Variants in ADAMTS8 observed in about 807,000 individuals in gnomAD.
ADAMTS8 encodes the protein ADAM metallopeptidase with thrombospondin type 1 motif 8, also known as A disintegrin and metalloproteinase with thrombospondin motifs 8.
ADAMTS8 carries 50 observed loss-of-function variants against 64.4 expected under a neutral mutation model. The observed-to-expected ratio is 0.78, with a 90% CI of 0.62 to 0.98. ADAMTS8 has a LOEUF of 0.98. Ranked by LOEUF, ADAMTS8 falls within the 50% of genes least tolerant of loss-of-function variation. ADAMTS8 has a pLI of 0.00. For missense variants in ADAMTS8, 1,192 were observed against 1,208.2 expected, an observed-to-expected ratio of 0.99 and a Z score of 0.20; for synonymous variants, 556 against 533.6, an observed-to-expected ratio of 1.04 and a Z score of -0.58.
intron 5 of ADAMTS8, among the ~76,000 whole-genome samples, 197 bp downstream of exon 5, chr11:130,414,334 G>C (rs1327911620): frequency 6.6e-6 from 1 of 151,868 alleles, no homozygotes; most frequent in Non-Finnish European, 1.5e-5. Context: ...ATGTTGCCCA[G>C]GCTGGTCTCG....
intron 4 of ADAMTS8, among the ~76,000 whole-genome samples, chr11:130,415,938 T>C (rs1862016564): frequency 6.6e-6 from 1 of 152,146 alleles, no homozygotes; most frequent in African/African-American, 2.4e-5. Flanking sequence ...TCGGATGACT[T>C]CCCCCTGCCT....
chr11:130,416,153 C>G lies in ADAMTS8; in HGVS notation c.1264+10G>C, dbSNP rs747849697. The G allele has an allele frequency of 6.4e-7, 1 of 1,563,922 alleles. No homozygotes were observed. Among genetic ancestry groups the G allele is most frequent in the Non-Finnish European group, 8.7e-7 (1 of 1,153,106 alleles). ...ACGGGGACAAGTAGGGCGGGGCCGC[C>G]GGTGCCTACCGTGCCCGCCGTCCAG... On this transcript the variant is annotated intron_variant, in intron 4 of 8. Transcript: ENST00000257359. This position sits in a 1 kb window ranked among gnomAD's most constrained non-coding sequence, Gnocchi z 4.8.
chr11:130,406,697 G>A (rs1861889380), intron 8 of ADAMTS8, among the ~76,000 whole-genome samples: 2 of 152,184 alleles, frequency 1.3e-5, no homozygotes, highest in Non-Finnish European at 2.9e-5. Flanking sequence ...GGGGGTTTAA[G>A]CCTGCTTCTT....
At chr11:130,422,950 A>G (rs3781761) in intron 1 of ADAMTS8, among the ~76,000 whole-genome samples, 120,698 of 152,204 alleles carry the variant, frequency 0.79, 48,206 homozygotes, top group African/African-American at 0.88. Context: ...GGTCAGGTGC[A>G]TTCCATATTT....
At chr11:130,413,678 T>C (rs1861981367) in intron 5 of ADAMTS8, among the ~76,000 whole-genome samples, 1 of 152,218 alleles carries the variant, frequency 6.6e-6, no homozygotes, top group Non-Finnish European at 1.5e-5. Flanking sequence ...GCCAAGTTTT[T>C]TTCTGCCTGG....
Position 130,414,563 on chromosome 11 carries a change from A to G in ADAMTS8, c.1534T>C (p.Cys512Arg), listed in dbSNP as rs372182941. 14 of 1,607,942 alleles carry G rather than the reference A, an allele frequency of 8.7e-6. No homozygotes were observed. The highest frequency in any genetic ancestry group is 1.2e-5 in the Non-Finnish European group (14 of 1,176,004). Residue 512 changes from cysteine (C) to arginine (R), a missense_variant, in exon 5 of 9, where the codon TGT (cysteine) becomes CGT (arginine). Physicochemically the swap from Cys to Arg is radical, Grantham distance 180 (BLOSUM62 -3). Around this residue, in one of 5 missense-constraint regions of ADAMTS8, gnomAD observed 10 missense variants for 27.4 expected, o/e 0.37. Coordinates refer to ENST00000257359, the MANE Select transcript of ADAMTS8 (RefSeq NM_007037.6). ...GPGHLCSEGS[C>R]LPEEEVERPK... ...CTCTCCACTTCCTCCTCAGGTAGAC[A>G]GCTGCCTTCTGAGCAGAGGTGCCCA...
Position 130,411,265 on chromosome 11 carries a change from C to A in ADAMTS8, c.1750+152G>T. The A allele has an allele frequency of 1.3e-5, 12 of 954,070 alleles. No individual in the cohort carries two copies. Among genetic ancestry groups the A allele is most frequent in the Non-Finnish European group, 1.8e-5 (12 of 654,014 alleles). 59.1% of individuals were successfully genotyped at this position (954,070 alleles called of 1,614,324 possible). ...ATTTAGGTGGAGATCACAGGCAAAA[C>A]TCTACATCCCAGGAGACCCAATTTA... On this transcript the variant is annotated intron_variant, in intron 6 of 8. Transcript: ENST00000257359. The surrounding 1 kb of genome is among the most constrained non-coding windows in gnomAD (Gnocchi z 4.2).
intron 1 of ADAMTS8, among the ~76,000 whole-genome samples, chr11:130,420,447 G>A (rs1247557933): frequency 6.6e-6 from 1 of 152,138 alleles, no homozygotes; most frequent in Non-Finnish European, 1.5e-5. Flanking sequence ...GCAGAGGTGG[G>A]TGTTCCTTGA....
chr11:130,427,898 C>A lies in ADAMTS8; in HGVS notation c.389G>T (p.Gly130Val). 6.5e-7 allele frequency: 1 copy of A among 1,534,206 alleles called. No individual in the cohort carries two copies. The highest frequency in any genetic ancestry group is 8.7e-7 in the Non-Finnish European group (1 of 1,146,140). The change falls in exon 1 of 9, where the codon GGC becomes GTC. Residue 130 changes from glycine (G) to valine (V), a missense_variant. Coordinates refer to ENST00000257359, the MANE Select transcript of ADAMTS8 (RefSeq NM_007037.6). ...RGLSGSFLLD[G>V]EEFTIQPQGA... ...CTGCGGCTGGATGGTGAACTCCTCGCCGTCCAGCAGGAAGGAGCCGCTCAG... is the reference window on the plus strand; with the variant it reads ...CTGCGGCTGGATGGTGAACTCCTCGACGTCCAGCAGGAAGGAGCCGCTCAG...
intron 4 of ADAMTS8, among the ~76,000 whole-genome samples, chr11:130,415,738 A>C (rs894785773): frequency 6.6e-6 from 1 of 151,150 alleles, no homozygotes; most frequent in Admixed American, 6.6e-5. Context: ...CCTCCTGAGT[A>C]TCTGGGACCA....
rs1320491306 is a variant in ADAMTS8 at position 130,414,789 on chromosome 11, G to T, written c.1308C>A (p.Pro436=). The T allele has an allele frequency of 6.2e-7, 1 of 1,612,768 alleles. No individual in the cohort carries two copies. Among genetic ancestry groups the T allele is most frequent in the Non-Finnish European group, 8.5e-7 (1 of 1,179,676 alleles). ...GGGCCATGCGGCCCGGGAGGCCTGT[G>T]GGGAGGGGCAGGGCCGCAGCAGGGG... is the stretch of plus-strand genomic sequence containing the variant. ...LDAPAAALPL[P]TGLPGRMALY... is the part of the protein sequence containing the mutation. The change falls in exon 5 of 9, where the codon CCC becomes CCA. Residue 436 remains proline, a synonymous_variant. Coordinates refer to ENST00000257359, the MANE Select transcript of ADAMTS8 (RefSeq NM_007037.6).
At position 130,428,424 on chromosome 11, in the gene ADAMTS8, CG is replaced by C; in HGVS notation, c.-139del. 3 of 1,065,260 alleles carry C rather than the reference CG, an allele frequency of 2.8e-6. No homozygotes were observed. Among genetic ancestry groups the C allele is most frequent in the Non-Finnish European group, 3.4e-6 (3 of 882,884 alleles). The allele number at this position is 1,065,260 out of a possible 1,614,324, so 66.0% of individuals were successfully genotyped here. On this transcript the variant is annotated 5_prime_UTR_variant, in exon 1 of 9. Coordinates refer to ENST00000257359, the MANE Select transcript of ADAMTS8 (RefSeq NM_007037.6). ...TCGGGTGCAAGGCCGACTCGGCCCG[CG>C]GGGCCCGGCGGCGGGAGCGCTCCCC...
chr11:130,424,759 T>C (rs1046841638), intron 1 of ADAMTS8, among the ~76,000 whole-genome samples: 1 of 152,268 alleles, frequency 6.6e-6, no homozygotes, highest in South Asian at 2.1e-4. Flanking sequence ...GTCACGCCTG[T>C]CCTGCAGCAT....
chr11:130,415,073 G>A (rs569957749), intron 4 of ADAMTS8, among the ~76,000 whole-genome samples: 50 of 152,168 alleles, frequency 3.3e-4, no homozygotes, highest in Non-Finnish European at 6.0e-4. Context: ...CATTGCCCCC[G>A]ACATTCTGTG....
chr11:130,415,635 G>T (rs57011403), intron 4 of ADAMTS8, among the ~76,000 whole-genome samples: 1 of 119,484 alleles, frequency 8.4e-6, no homozygotes, highest in Non-Finnish European at 1.6e-5. Flanking sequence ...AAGAGATAGC[G>T]TCTCTCTCTG....
chr11:130,408,390 T>C (rs955000443), intron 8 of ADAMTS8, 74 bp downstream of exon 8: 274 of 1,544,738 alleles, frequency 1.8e-4, no homozygotes, highest in Non-Finnish European at 2.2e-4. Flanking sequence ...CACAGTTCAA[T>C]TTGGGCCTAG....
chr11:130,419,840 T>A (rs982264525), intron 1 of ADAMTS8, among the ~76,000 whole-genome samples: 1 of 152,170 alleles, frequency 6.6e-6, no homozygotes, highest in African/African-American at 2.4e-5. Flanking sequence ...CCTCTTAGAA[T>A]CCAGCTGAAC....
chr11:130,412,416 G>A (rs1444893178), intron 5 of ADAMTS8, among the ~76,000 whole-genome samples: 6 of 152,022 alleles, frequency 3.9e-5, no homozygotes, highest in Non-Finnish European at 1.5e-5. Context: ...GTTTCACCAT[G>A]TTGGCCATGC....
intron 1 of ADAMTS8, among the ~76,000 whole-genome samples, chr11:130,421,817 T>A (rs909491402): frequency 6.6e-6 from 1 of 152,156 alleles, no homozygotes; most frequent in African/African-American, 2.4e-5. Flanking sequence ...CCTGTGGGGA[T>A]CAGGCCTGCG....
Sources: gnomAD v4.1 joint callset for allele counts (sites outside exome capture counted in the v4.1 genomes callset) on GRCh38, gnomAD v4.1.1 for gene constraint, gnomAD v4.1.1 regional missense constraint, Gnocchi (gnomAD v3.1) non-coding constraint, MANE v1.5 for transcripts, NCBI Gene and HGNC (gene_info 2026-07-23, HGNC 2026-07-21) for gene names.